Variants in CASZ1 observed in about 807,000 individuals in gnomAD.
The protein encoded by CASZ1 is zinc finger protein castor homolog 1.
A neutral mutation model predicts 135.2 loss-of-function variants in CASZ1; 28 were observed. The observed-to-expected ratio is 0.21, with a 90% CI of 0.15 to 0.28. The LOEUF (loss-of-function observed/expected upper bound fraction) is 0.28, where lower values mean the gene tolerates loss of function less well. Ranked by LOEUF, CASZ1 falls within the 10% of genes least tolerant of loss-of-function variation. CASZ1 has a pLI of 1.00. For synonymous variants in CASZ1, 1,068 were observed against 1,073.4 expected (o/e 0.99, Z 0.10); for missense variants, 2,161 against 2,453.3 (o/e 0.88, Z 2.52).
Position 10,750,114 on chromosome 1 carries a change from T to C in CASZ1, c.-77+10587A>G, listed in dbSNP as rs192608423. ...GGCAGGGAGAGTCAGGCCAGAGCCATGGCTCTGAGAAACCCTGGCACACGT... is the reference window on the plus strand; with the variant it reads ...GGCAGGGAGAGTCAGGCCAGAGCCACGGCTCTGAGAAACCCTGGCACACGT... On this transcript the variant is annotated intron_variant, in intron 2 of 20. Transcript: ENST00000377022. Among the ~76,000 whole-genome samples the C allele has an allele frequency of 7.3e-3, 1,109 of 152,094 alleles. 10 individuals carry two copies. Among genetic ancestry groups the C allele is most frequent in the African/African-American group, 0.024 (981 of 41,498 alleles).
At position 10,648,955 on chromosome 1, in the gene CASZ1, G is replaced by A. The variant is rs148041987; in HGVS notation, c.3158+115C>T. The A allele has an allele frequency of 7.6e-4, 1,071 of 1,408,568 alleles. 12 individuals carry two copies. In the African/African-American group the frequency reaches 0.014, roughly 18 times the overall value. 87.3% of individuals were successfully genotyped at this position (1,408,568 alleles called of 1,614,324 possible). A position where few individuals can be genotyped will look rare whatever the true frequency, so the allele number is the denominator to read the frequency against. On this transcript the variant is annotated intron_variant, in intron 15 of 20. Coordinates refer to ENST00000377022, the MANE Select transcript of CASZ1 (RefSeq NM_001079843.3). ...GCTGGGGCAGCATCTCCGAGAAGCC[G>A]GCTCAGCTTCTGTGGCCCAGCGGGA... is the stretch of plus-strand genomic sequence containing the variant.
chr1:10,728,016 C>T (rs1639628895), intron 2 of CASZ1, among the ~76,000 whole-genome samples: 1 of 152,366 alleles, frequency 6.6e-6, no homozygotes, highest in Admixed American at 6.5e-5. Flanking sequence ...AGGGGTCCTA[C>T]CACCGCCTAT....
chr1:10,783,992 T>C lies in CASZ1; in HGVS notation c.-234+12572A>G, dbSNP rs535916192. 1.1e-4 allele frequency among the ~76,000 whole-genome samples: 17 copies of C among 151,506 alleles called. No individual in the cohort carries two copies. The South Asian group carries it at 2.9e-3, about 26-fold the overall frequency. On this transcript the variant is annotated intron_variant, in intron 1 of 20. Coordinates refer to ENST00000377022, the MANE Select transcript of CASZ1 (RefSeq NM_001079843.3). Reference sequence around the variant, plus strand: ...GTGCTTTCTGCGCCACCTCCATCAATGATCACAAGAACCCCAGCGAGGCGG... The same window carrying C: ...GTGCTTTCTGCGCCACCTCCATCAACGATCACAAGAACCCCAGCGAGGCGG...
At position 10,756,245 on chromosome 1, in the gene CASZ1, T is replaced by C. The variant is rs1640253673; in HGVS notation, c.-77+4456A>G. On this transcript the variant is annotated intron_variant, in intron 2 of 20. Coordinates refer to ENST00000377022, the MANE Select transcript of CASZ1 (RefSeq NM_001079843.3). This position sits in a 1 kb window ranked among gnomAD's most constrained non-coding sequence, Gnocchi z 5.9. ...GGAGGTCAGGCCTCCAGAGCCTCCT[T>C]ACAGGGCCAGGCTGCTGTGCCACAC... is the stretch of plus-strand genomic sequence containing the variant. Among the ~76,000 whole-genome samples the C allele has an allele frequency of 6.6e-6, 1 of 151,806 alleles. No homozygotes were observed. Among genetic ancestry groups the C allele is most frequent in the Admixed American group, 6.5e-5 (1 of 15,278 alleles).
Position 10,767,279 on chromosome 1 carries a change from G to T in CASZ1, c.-233-6422C>A, listed in dbSNP as rs1640493782. On this transcript the variant is annotated intron_variant, in intron 1 of 20. Coordinates refer to ENST00000377022, the MANE Select transcript of CASZ1 (RefSeq NM_001079843.3). This position sits in a 1 kb window ranked among gnomAD's most constrained non-coding sequence, Gnocchi z 4.2. Reference sequence around the variant, plus strand: ...TCCTCTGACCCTTCCCTCTACCCAGGCAGGCATCTCCAGAATCAGGAAGTC... The same window carrying T: ...TCCTCTGACCCTTCCCTCTACCCAGTCAGGCATCTCCAGAATCAGGAAGTC... Among the ~76,000 whole-genome samples, 1 of 152,202 alleles carries T rather than the reference G, an allele frequency of 6.6e-6. No homozygotes were observed. Among genetic ancestry groups the T allele is most frequent in the African/African-American group, 2.4e-5 (1 of 41,446 alleles).
chr1:10,656,465 G>A (rs868653344), intron 8 of CASZ1, among the ~76,000 whole-genome samples, 181 bp downstream of exon 8: 4 of 152,104 alleles, frequency 2.6e-5, no homozygotes, highest in African/African-American at 7.2e-5. Flanking sequence ...CTGCTCTGTC[G>A]GCAGGAATCG....
rs1246037522 is a variant in CASZ1 at position 10,646,386 on chromosome 1, C to G, written c.3498-60G>C. The G allele has an allele frequency of 1.3e-6, 2 of 1,536,550 alleles. No homozygotes were observed. Among genetic ancestry groups the G allele is most frequent in the Non-Finnish European group, 8.9e-7 (1 of 1,118,580 alleles). The stretch of plus-strand genomic sequence containing the variant: ...ATTCTCAAGCCCTCCCTGCTGGTGT[C>G]CTGACTTCACTTGTGTTGGAGTTCA... On this transcript the variant is annotated intron_variant, in intron 16 of 20. Transcript: ENST00000377022. This position sits in a 1 kb window ranked among gnomAD's most constrained non-coding sequence, Gnocchi z 6.4.
chr1:10,668,583 G>A (rs941231809), intron 4 of CASZ1, among the ~76,000 whole-genome samples: 1 of 152,368 alleles, frequency 6.6e-6, no homozygotes, highest in Middle Eastern at 3.4e-3. Context: ...CCCACACACA[G>A]TCAGAGCCCA....
At chr1:10,766,398 G>A (rs1213909093) in intron 1 of CASZ1, among the ~76,000 whole-genome samples, 4 of 152,208 alleles carry the variant, frequency 2.6e-5, no homozygotes, top group Non-Finnish European at 5.9e-5. Context: ...CAGTAAAATG[G>A]GGATAAAGAT....
chr1:10,650,935 C>T lies in CASZ1; in HGVS notation c.2816+6G>A. On this transcript the variant is annotated splice_donor_region_variant and intron_variant, in intron 12 of 20. Transcript: ENST00000377022. ...GGGCTGGCTCCCATAGGGGGCCTCG[C>T]CTCACCTGGGCTCCTTCACAGTCAG... The T allele has an allele frequency of 1.9e-6, 3 of 1,606,040 alleles. No homozygotes were observed. Among genetic ancestry groups the T allele is most frequent in the Non-Finnish European group, 2.5e-6 (3 of 1,178,080 alleles).
intron 2 of CASZ1, among the ~76,000 whole-genome samples, chr1:10,737,641 C>T (rs1042050853): frequency 6.6e-6 from 1 of 152,240 alleles, no homozygotes; most frequent in African/African-American, 2.4e-5. Context: ...GGGTTGGGGT[C>T]TGTGGGCTGC....
At chr1:10,729,862 C>T (rs1488364160) in intron 2 of CASZ1, among the ~76,000 whole-genome samples, 2 of 152,150 alleles carry the variant, frequency 1.3e-5, no homozygotes, top group East Asian at 3.8e-4. Context: ...GTCGCCCAGG[C>T]TGGAGTGCAG....
At chr1:10,783,545 T>C (rs1640800900) in intron 1 of CASZ1, among the ~76,000 whole-genome samples, 1 of 151,976 alleles carries the variant, frequency 6.6e-6, no homozygotes, top group Non-Finnish European at 1.5e-5. Flanking sequence ...CCCTAAGAAC[T>C]CCACAGGCCC....
Position 10,721,615 on chromosome 1 carries a change from A to G in CASZ1, c.-76-16071T>C, listed in dbSNP as rs974830146. On this transcript the variant is annotated intron_variant, in intron 2 of 20. Coordinates refer to ENST00000377022, the MANE Select transcript of CASZ1 (RefSeq NM_001079843.3). The surrounding 1 kb of genome is among the most constrained non-coding windows in gnomAD (Gnocchi z 5.4). ...TACCTGCCAGCGTGGCCCCCTTGCCATCAGAGCCCACGGGGGGCTGGACGA... is the reference window on the plus strand; with the variant it reads ...TACCTGCCAGCGTGGCCCCCTTGCCGTCAGAGCCCACGGGGGGCTGGACGA... 2.0e-5 allele frequency among the ~76,000 whole-genome samples: 3 copies of G among 152,168 alleles called. No individual in the cohort carries two copies. Among genetic ancestry groups the G allele is most frequent in the Non-Finnish European group, 2.9e-5 (2 of 68,016 alleles).
intron 2 of CASZ1, among the ~76,000 whole-genome samples, chr1:10,730,130 A>G (rs1570533705): frequency 1.4e-5 from 2 of 147,692 alleles, no homozygotes; most frequent in East Asian, 4.0e-4. Flanking sequence ...TTTATTTTTC[A>G]GACAGGATCT....
chr1:10,664,783 C>T (rs1456435720), intron 5 of CASZ1, among the ~76,000 whole-genome samples: 2 of 152,058 alleles, frequency 1.3e-5, no homozygotes, highest in Non-Finnish European at 2.9e-5. Flanking sequence ...CTATCCCATC[C>T]GTCTGTCTAT....
intron 1 of CASZ1, among the ~76,000 whole-genome samples, chr1:10,771,747 A>G (rs989532378): frequency 4.0e-5 from 6 of 151,404 alleles, no homozygotes; most frequent in Non-Finnish European, 8.8e-5. Flanking sequence ...CTTATTTTCT[A>G]TTCCACTTCT....
At chr1:10,649,508 C>T in intron 13 of CASZ1, 71 bp from the exon 14 acceptor site, 1 of 1,506,496 alleles carries the variant, frequency 6.6e-7, no homozygotes, top group Non-Finnish European at 8.9e-7. Context: ...TGGGGAGCAA[C>T]AGCCGAAGCT....
Position 10,774,786 on chromosome 1 carries a change from C to CCAA in CASZ1, c.-233-13932_-233-13930dup, listed in dbSNP as rs1471897559. 6.6e-6 allele frequency among the ~76,000 whole-genome samples: 1 copy of CCAA among 152,154 alleles called. No individual in the cohort carries two copies. Among genetic ancestry groups the CCAA allele is most frequent in the African/African-American group, 2.4e-5 (1 of 41,430 alleles). On this transcript the variant is annotated intron_variant, in intron 1 of 20. Transcript: ENST00000377022. This position sits in a 1 kb window ranked among gnomAD's most constrained non-coding sequence, Gnocchi z 4.4. ...GAGCCCTCCCTCCTCTGTCCCAGCG[C>CCAA]CAAGTTCCCTGCAACCCACAAGCAC...
Sources: allele counts gnomAD v4.1 joint callset (sites outside exome capture counted in the v4.1 genomes callset), GRCh38; gene constraint gnomAD v4.1.1; non-coding constraint Gnocchi (gnomAD v3.1); transcripts MANE v1.5; gene names NCBI Gene and HGNC (gene_info 2026-07-23, HGNC 2026-07-21).